Variants in DAB1 observed in about 807,000 individuals in gnomAD.
DAB1 encodes DAB adaptor protein 1, also known as disabled homolog 1.
DAB1 carries 15 observed loss-of-function variants against 64.6 expected under a neutral mutation model. The observed-to-expected ratio is 0.23, with a 90% CI of 0.16 to 0.36. The LOEUF (loss-of-function observed/expected upper bound fraction) is 0.36. Among genes scored for constraint, DAB1 ranks in the 10% least tolerant of loss-of-function variants. The pLI is 1.00. For missense variants in DAB1, 596 were observed against 706.7 expected (o/e 0.84, Z 1.78); for synonymous variants, 235 against 251.9 (o/e 0.93, Z 0.64).
chr1:58,017,151 G>A (rs1222149808), intron 5 of DAB1, among the ~76,000 whole-genome samples: 3 of 151,882 alleles, frequency 2.0e-5, no homozygotes. Context: ...CTTGCATGGG[G>A]TTGGCTTTCT....
At chr1:58,334,073 G>A (rs573991602) in intron 4 of DAB1, among the ~76,000 whole-genome samples, 24 of 152,204 alleles carry the variant, frequency 1.6e-4, no homozygotes, top group Non-Finnish European at 7.4e-5. Context: ...TGTACAAACC[G>A]GGGAAGGAAT....
intron 5 of DAB1, chr1:58,048,783 CA>C: frequency 4.3e-6 from 5 of 1,168,982 alleles, no homozygotes; most frequent in Non-Finnish European, 6.3e-6. Flanking sequence ...TGTGGCCATT[CA>C]CAGTATAGTA....
intron 6 of DAB1, among the ~76,000 whole-genome samples, chr1:57,725,936 T>C (rs1647204319): frequency 6.6e-6 from 1 of 152,140 alleles, no homozygotes; most frequent in African/African-American, 2.4e-5. Context: ...GTATTTTTAG[T>C]AGAGACAGGG....
intron 4 of DAB1, among the ~76,000 whole-genome samples, chr1:58,155,246 C>T (rs868040308): frequency 4.6e-5 from 7 of 152,330 alleles, no homozygotes; most frequent in Middle Eastern, 3.4e-3. Flanking sequence ...TATGTCTATA[C>T]CTAGACTCTA....
intron 5 of DAB1, among the ~76,000 whole-genome samples, chr1:57,928,088 A>G (rs1394873356): frequency 6.6e-6 from 1 of 152,200 alleles, no homozygotes; most frequent in East Asian, 1.9e-4. Context: ...GGTAAAAGTT[A>G]TATACAATGA....
intron 2 of DAB1, among the ~76,000 whole-genome samples, chr1:57,177,527 G>A (rs1369214419): frequency 6.6e-6 from 1 of 152,032 alleles, no homozygotes; most frequent in Non-Finnish European, 1.5e-5. Context: ...CATAATAAAA[G>A]CTCCCATGAC....
chr1:57,288,392 C>T (rs1672503013), intron 2 of DAB1, among the ~76,000 whole-genome samples: 1 of 152,018 alleles, frequency 6.6e-6, no homozygotes. Flanking sequence ...TATGTTAAAG[C>T]CCTGAACCCC....
At chr1:57,067,396 T>A (rs1182875270) in intron 8 of DAB1, among the ~76,000 whole-genome samples, 2 of 152,160 alleles carry the variant, frequency 1.3e-5, no homozygotes, top group Non-Finnish European at 2.9e-5. Flanking sequence ...TACCTATTGC[T>A]AGCTCTGGGA....
At chr1:57,862,493 A>G (rs550321829) in intron 1 of DAB1, 1 of 152,320 alleles carries the variant, frequency 6.6e-6, no homozygotes, top group Admixed American at 6.5e-5. Flanking sequence ...TGCTCCGCTT[A>G]GGGAACTTGG....
chr1:57,927,750 C>G (rs1043411635), intron 5 of DAB1, among the ~76,000 whole-genome samples: 1 of 152,118 alleles, frequency 6.6e-6, no homozygotes, highest in Non-Finnish European at 1.5e-5. Flanking sequence ...TTTCAGGCTT[C>G]CAATATGACC....
downstream of DAB1, among the ~76,000 whole-genome samples, chr1:57,822,681 C>T (rs769609331): frequency 1.3e-5 from 2 of 152,110 alleles, no homozygotes; most frequent in Non-Finnish European, 2.9e-5. Context: ...TCTAGATCAG[C>T]ACCACCCAAT....
rs1645670117 is a variant in DAB1, at chr1:56,997,441, TG to T, written c.*702del. ...TGAATAATCAACCACTTATTTGTCT[TG>T]TAATTTCAAGTTAATTCATTTCACT... On this transcript the variant is annotated 3_prime_UTR_variant, in exon 15 of 15. Transcript: ENST00000371236. The T allele has an allele frequency of 1.3e-5, 2 of 152,204 alleles. No homozygotes were observed. The highest frequency in any genetic ancestry group is 2.9e-5 in the Non-Finnish European group (2 of 68,044). The allele number at this position is 152,204 out of a possible 1,614,324, so 9.4% of individuals were successfully genotyped here.
chr1:57,478,812 G>C (rs1245455459), intron 7 of DAB1, among the ~76,000 whole-genome samples: 1 of 151,410 alleles, frequency 6.6e-6, no homozygotes, highest in Non-Finnish European at 1.5e-5. Context: ...ATGTGTGCCA[G>C]GCTTGTCTCG....
chr1:57,428,997 C>G (rs1570508919), upstream of DAB1, among the ~76,000 whole-genome samples: 1 of 151,514 alleles, frequency 6.6e-6, no homozygotes, highest in African/African-American at 2.4e-5. Flanking sequence ...AGTTCAGCCT[C>G]AAAGTCCTGG....
At chr1:58,189,889 G>GA (rs1657292475) in intron 4 of DAB1, among the ~76,000 whole-genome samples, 1 of 152,222 alleles carries the variant, frequency 6.6e-6, no homozygotes, top group Admixed American at 6.5e-5. Context: ...AGTCTTGTGA[G>GA]AAATTGGCTT....
chr1:57,824,477 TA>T (rs143805722), downstream of DAB1, among the ~76,000 whole-genome samples: 1,754 of 152,248 alleles, frequency 0.012, 14 homozygotes, highest in Middle Eastern at 0.048. Context: ...TCTAAATAGG[TA>T]ACATGTTACC....
chr1:58,448,579 G>A (rs1230823039), intron 3 of DAB1, among the ~76,000 whole-genome samples: 1 of 152,192 alleles, frequency 6.6e-6, no homozygotes, highest in Non-Finnish European at 1.5e-5. Flanking sequence ...TGGCCCTGGT[G>A]TTGAGTTTGC....
intron 7 of DAB1, among the ~76,000 whole-genome samples, chr1:57,435,135 G>C (rs1685651049): frequency 7.1e-6 from 1 of 140,336 alleles, no homozygotes; most frequent in South Asian, 2.2e-4. Flanking sequence ...TGCAGCCTCT[G>C]TCTCCCAGGT....
In DAB1 at chr1:57,086,644, A is replaced by AACACACACACAC. The variant is rs368060919; in HGVS notation, c.307-14242_307-14231dup. Among the ~76,000 whole-genome samples the AACACACACACAC allele has an allele frequency of 5.2e-3, 620 of 118,592 alleles. 6 individuals are homozygous for AACACACACACAC. The highest frequency in any genetic ancestry group is 0.014 in the African/African-American group (417 of 30,282). The allele number at this position is 118,592 out of a possible 152,430, so 77.8% of individuals were successfully genotyped here. A position where few individuals can be genotyped will look rare whatever the true frequency, so the allele number is the denominator to read the frequency against. On this transcript the variant is annotated intron_variant, in intron 4 of 14. Coordinates refer to ENST00000371236, the MANE Select transcript of DAB1 (RefSeq NM_001365792.1). ...AACAGGTGACAGGGGTTCTGTCTTA[A>AACACACACACAC]ACACACACACACACACACACACACA...
Sources: allele counts gnomAD v4.1 joint callset (sites outside exome capture counted in the v4.1 genomes callset), GRCh38; gene constraint gnomAD v4.1.1; transcripts MANE v1.5; gene names NCBI Gene and HGNC (gene_info 2026-07-23, HGNC 2026-07-21).